Variants in MARCHF1 observed in about 807,000 individuals in gnomAD.
The protein encoded by MARCHF1 is E3 ubiquitin-protein ligase MARCHF1.
MARCHF1 carries 40 observed loss-of-function variants against 54.2 expected under a neutral mutation model. That is an observed-to-expected ratio of 0.74 (90% CI 0.57 to 0.96). The LOEUF is 0.96. Ranked by LOEUF, MARCHF1 falls within the 40% of genes least tolerant of loss-of-function variation. MARCHF1 has a pLI of 0.00. For synonymous variants in MARCHF1, 236 were observed against 236.3 expected (o/e 1.00, Z 0.01); for missense variants, 586 against 656.5 (o/e 0.89, Z 1.17).
chr4:163,980,641 A>G (rs1752743221), intron 3 of MARCHF1, among the ~76,000 whole-genome samples: 1 of 152,212 alleles, frequency 6.6e-6, no homozygotes, highest in South Asian at 2.1e-4. Flanking sequence ...TAAAACTAAC[A>G]GCCACAGATG....
rs549450554 is a variant in MARCHF1, at chr4:164,340,305, C to A, written c.-323+43565G>T. ...AGGCTGGAGTGCAGTGGCGTGATCT[C>A]AGCTTGCTGCAACCTCTGCCTCCTG... On this transcript the variant is annotated intron_variant, in intron 1 of 9. Coordinates refer to ENST00000514618, the MANE Select transcript of MARCHF1 (RefSeq NM_001394959.1). Among the ~76,000 whole-genome samples, 7 of 148,134 alleles carry A rather than the reference C, an allele frequency of 4.7e-5. No homozygotes were observed. In the South Asian group the frequency reaches 1.5e-3, roughly 32 times the overall value.
intron 2 of MARCHF1, among the ~76,000 whole-genome samples, chr4:164,080,980 G>A (rs1397051840): frequency 1.3e-5 from 2 of 150,438 alleles, no homozygotes; most frequent in Non-Finnish European, 3.0e-5. Flanking sequence ...AGGCCGAGGC[G>A]GGTGGATCAT....
intron 4 of MARCHF1, among the ~76,000 whole-genome samples, chr4:163,795,237 CT>C (rs527346460): frequency 6.6e-6 from 1 of 151,304 alleles, no homozygotes; most frequent in African/African-American, 2.4e-5. Flanking sequence ...TATTTTCTTT[CT>C]TTTTTTTTGA....
intron 5 of MARCHF1, among the ~76,000 whole-genome samples, chr4:163,647,694 AAAGAGT>A (rs1478936517): frequency 6.7e-6 from 1 of 148,196 alleles, no homozygotes; most frequent in Non-Finnish European, 1.5e-5. Context: ...AAGAAAAATA[AAAGAGT>A]CTTGAGACAA....
chr4:163,877,131 T>A (rs1384268095), intron 3 of MARCHF1, among the ~76,000 whole-genome samples: 2 of 152,190 alleles, frequency 1.3e-5, no homozygotes, highest in Non-Finnish European at 2.9e-5. Context: ...TTCAGAACTG[T>A]ACTGCATAAA....
chr4:163,816,378 GGT>G lies in MARCHF1; in HGVS notation c.111+37641_111+37642del, dbSNP rs1054971956. Among the ~76,000 whole-genome samples the G allele has an allele frequency of 2.6e-4, 8 of 30,616 alleles. No individual in the cohort carries two copies. The East Asian group carries it at 0.015, about 56-fold the overall frequency. 20.1% of individuals were successfully genotyped at this position (30,616 alleles called of 152,430 possible). On this transcript the variant is annotated intron_variant, in intron 4 of 9. Coordinates refer to ENST00000514618, the MANE Select transcript of MARCHF1 (RefSeq NM_001394959.1). ...TTAGATGAGTGAAATAGTACCTTCTGGTGTTTTTTTTTTTATAAATAGTATTC... is the reference window on the plus strand; with the variant it reads ...TTAGATGAGTGAAATAGTACCTTCTGGTTTTTTTTTTTATAAATAGTATTC...
chr4:164,304,939 C>CT (rs75702377), intron 1 of MARCHF1, among the ~76,000 whole-genome samples: 1,998 of 152,186 alleles, frequency 0.013, 44 homozygotes, highest in South Asian at 0.08. Flanking sequence ...AGAACAATTG[C>CT]TTTTAGATTT....
chr4:163,889,971 C>A (rs1161270315), intron 3 of MARCHF1, among the ~76,000 whole-genome samples: 6 of 131,908 alleles, frequency 4.5e-5, no homozygotes, highest in Admixed American at 9.5e-5. Flanking sequence ...GTTGCCCAGG[C>A]TGGAGTGCAG....
intron 2 of MARCHF1, among the ~76,000 whole-genome samples, chr4:164,044,239 T>C (rs1379889534): frequency 6.6e-6 from 1 of 152,170 alleles, no homozygotes; most frequent in Non-Finnish European, 1.5e-5. Flanking sequence ...CACACTGCTA[T>C]GAAGAATTAC....
chr4:164,256,810 G>A (rs183205602), intron 1 of MARCHF1, among the ~76,000 whole-genome samples: 5 of 152,240 alleles, frequency 3.3e-5, no homozygotes, highest in Non-Finnish European at 7.4e-5. Flanking sequence ...ACTTACAGCC[G>A]GGAACATAAA....
At chr4:163,782,258 G>GGAGAT (rs940623456) in intron 4 of MARCHF1, among the ~76,000 whole-genome samples, 2 of 152,202 alleles carry the variant, frequency 1.3e-5, no homozygotes, top group African/African-American at 2.4e-5. Flanking sequence ...CTCTCTGGGA[G>GGAGAT]GAGATAGATG....
chr4:164,001,840 C>T (rs955466359), intron 2 of MARCHF1, among the ~76,000 whole-genome samples: 1 of 151,724 alleles, frequency 6.6e-6, no homozygotes, highest in Non-Finnish European at 1.5e-5. Flanking sequence ...TTTGGTTACA[C>T]ACTAATTTGC....
At chr4:164,040,979 C>G (rs1754117025) in intron 2 of MARCHF1, among the ~76,000 whole-genome samples, 1 of 152,058 alleles carries the variant, frequency 6.6e-6, no homozygotes, top group Non-Finnish European at 1.5e-5. Flanking sequence ...ATGTTCACTA[C>G]TACCTTTCCT....
intron 1 of MARCHF1, among the ~76,000 whole-genome samples, chr4:164,273,656 G>T (rs1335817135): frequency 6.6e-6 from 1 of 152,188 alleles, no homozygotes; most frequent in African/African-American, 2.4e-5. Context: ...CAAAGCCTTA[G>T]AGAAGATTCA....
At chr4:164,196,165 T>C (rs1311864485) in intron 1 of MARCHF1, among the ~76,000 whole-genome samples, 2 of 152,196 alleles carry the variant, frequency 1.3e-5, no homozygotes, top group South Asian at 2.1e-4. Context: ...TGTACAATGA[T>C]AGTTATTTGT....
At chr4:163,614,406 T>C (rs866245551) in intron 5 of MARCHF1, among the ~76,000 whole-genome samples, 3 of 152,262 alleles carry the variant, frequency 2.0e-5, no homozygotes, top group Middle Eastern at 3.4e-3. Flanking sequence ...CGCTGAGATC[T>C]GGACCAGGTA....
intron 4 of MARCHF1, among the ~76,000 whole-genome samples, chr4:163,831,421 A>T (rs2111094780): frequency 6.6e-6 from 1 of 152,252 alleles, no homozygotes; most frequent in East Asian, 1.9e-4. Flanking sequence ...TTGTGTCTAC[A>T]ACAGTAAAAG....
intron 2 of MARCHF1, among the ~76,000 whole-genome samples, chr4:164,039,904 A>G (rs1754087807): frequency 6.6e-6 from 1 of 150,756 alleles, no homozygotes; most frequent in African/African-American, 2.4e-5. Flanking sequence ...CAGAAACAAC[A>G]AAGTAAAATA....
At chr4:163,770,049 C>T (rs1248785726) in intron 4 of MARCHF1, among the ~76,000 whole-genome samples, 1 of 150,434 alleles carries the variant, frequency 6.6e-6, no homozygotes, top group African/African-American at 2.5e-5. Context: ...TTTTCTCTTC[C>T]TTATGATTTT....
Sources: allele counts gnomAD v4.1 joint callset (sites outside exome capture counted in the v4.1 genomes callset), GRCh38; gene constraint gnomAD v4.1.1; transcripts MANE v1.5; gene names NCBI Gene and HGNC (gene_info 2026-07-23, HGNC 2026-07-21).